ITGA9: variants seen among roughly 807,000 people sequenced by gnomAD.
ITGA9 encodes integrin alpha-9.
In ITGA9, 56 loss-of-function variants were observed where a neutral mutation model predicts 127.8. That is an observed-to-expected ratio of 0.44 (90% CI 0.35 to 0.55). The LOEUF is 0.55. Among genes scored for constraint, ITGA9 ranks in the 20% least tolerant of loss-of-function variants. The pLI is 0.00. For synonymous variants in ITGA9, 508 were observed against 514.5 expected, an observed-to-expected ratio of 0.99 and a Z score of 0.17; for missense variants, 1,196 against 1,347.1, an observed-to-expected ratio of 0.89 and a Z score of 1.76.
chr3:37,636,600 G>T (rs1466206653), intron 16 of ITGA9, among the ~76,000 whole-genome samples: 4 of 152,122 alleles, frequency 2.6e-5, no homozygotes, highest in Non-Finnish European at 5.9e-5. Flanking sequence ...CACTCTGATG[G>T]TAGTTTCTTT....
chr3:37,774,648 G>A (rs1488461360), intron 23 of ITGA9, among the ~76,000 whole-genome samples: 1 of 151,882 alleles, frequency 6.6e-6, no homozygotes, highest in Non-Finnish European at 1.5e-5. Context: ...GATCACCTGA[G>A]CCCAGGAGGT....
intron 15 of ITGA9, among the ~76,000 whole-genome samples, chr3:37,595,989 C>T (rs1699866518): frequency 6.6e-6 from 1 of 152,138 alleles, no homozygotes; most frequent in African/African-American, 2.4e-5. Flanking sequence ...TACTGAGCAC[C>T]CACTGGAGCC....
intron 17 of ITGA9, among the ~76,000 whole-genome samples, 160 bp from the exon 18 acceptor site, chr3:37,683,705 A>G (rs1425178054): frequency 6.6e-6 from 1 of 152,136 alleles, no homozygotes; most frequent in African/African-American, 2.4e-5. Flanking sequence ...GAGGCCCTAG[A>G]GCTAACTGAT....
rs372689551 is a variant in ITGA9, at chr3:37,759,744, A to G, written c.2541+9175A>G. Among the ~76,000 whole-genome samples the G allele has an allele frequency of 1.1e-4, 17 of 151,880 alleles. No homozygotes were observed. The South Asian group carries it at 3.5e-3, about 32-fold the overall frequency. ...TGGTGAAACCCTGTCTGTACTAAAA[A>G]TACACAAAAATTAGCCAGGTGTCGT... On this transcript the variant is annotated intron_variant, in intron 23 of 27. Coordinates refer to ENST00000264741, the MANE Select transcript of ITGA9 (RefSeq NM_002207.3).
intron 15 of ITGA9, among the ~76,000 whole-genome samples, chr3:37,561,776 G>A (rs1160194364): frequency 1.3e-5 from 2 of 152,166 alleles, no homozygotes; most frequent in Non-Finnish European, 2.9e-5. Flanking sequence ...TTATGACACT[G>A]TAACAATTAC....
chr3:37,468,748 A>G (rs1217228182), intron 1 of ITGA9, among the ~76,000 whole-genome samples: 5 of 152,180 alleles, frequency 3.3e-5, no homozygotes, highest in Admixed American at 2.6e-4. Flanking sequence ...TTCCACAAAT[A>G]CATAATATGT....
chr3:37,607,477 A>G (rs1445722652), intron 15 of ITGA9, among the ~76,000 whole-genome samples: 1 of 152,190 alleles, frequency 6.6e-6, no homozygotes, highest in Admixed American at 6.5e-5. Context: ...TGGGAATGGC[A>G]TGTAATTCTC....
chr3:37,704,523 G>A (rs1320286922), intron 18 of ITGA9, among the ~76,000 whole-genome samples: 4 of 152,182 alleles, frequency 2.6e-5, no homozygotes, highest in African/African-American at 9.7e-5. Flanking sequence ...AGCACTGAAC[G>A]ACTGGAAGTA....
At chr3:37,627,803 T>C (rs1700190609) in intron 15 of ITGA9, among the ~76,000 whole-genome samples, 2 of 152,070 alleles carry the variant, frequency 1.3e-5, no homozygotes, top group African/African-American at 2.4e-5. Flanking sequence ...AAAAAGAAGG[T>C]GTTCCTGACA....
chr3:37,471,633 G>A lies in ITGA9; in HGVS notation c.313+499G>A, dbSNP rs374754655. On this transcript the variant is annotated intron_variant, in intron 2 of 27. Coordinates refer to ENST00000264741, the MANE Select transcript of ITGA9 (RefSeq NM_002207.3). ...GCAAGGCAGGCTGGGGCCAGGCCAC[G>A]TGGGGCCTAGCAGGCCAGGGCAATG... Among the ~76,000 whole-genome samples, 11 of 152,336 alleles carry A rather than the reference G, an allele frequency of 7.2e-5. No individual in the cohort carries two copies. The South Asian group carries it at 1.9e-3, about 26-fold the overall frequency.
intron 20 of ITGA9, among the ~76,000 whole-genome samples, chr3:37,740,720 G>A (rs981182279): frequency 1.3e-5 from 2 of 152,178 alleles, no homozygotes; most frequent in African/African-American, 2.4e-5. Context: ...AGAAATGCCC[G>A]GCATAGTGCC....
At chr3:37,601,983 G>A (rs764703625) in intron 15 of ITGA9, among the ~76,000 whole-genome samples, 2 of 152,184 alleles carry the variant, frequency 1.3e-5, no homozygotes, top group Non-Finnish European at 1.5e-5. Context: ...CAAGCGGGGA[G>A]TGGAGGTGCC....
intron 18 of ITGA9, among the ~76,000 whole-genome samples, chr3:37,717,986 T>C (rs977125953): frequency 1.3e-5 from 2 of 152,214 alleles, no homozygotes; most frequent in Non-Finnish European, 2.9e-5. Context: ...TTTCAGCCCC[T>C]GGTGCAACAG....
chr3:37,638,625 A>G (rs537026460), intron 16 of ITGA9, among the ~76,000 whole-genome samples: 9 of 152,288 alleles, frequency 5.9e-5, no homozygotes, highest in Non-Finnish European at 1.0e-4. Flanking sequence ...GAATAAATTC[A>G]TCAGAACTCT....
At chr3:37,774,727 A>C (rs997578805) in intron 23 of ITGA9, among the ~76,000 whole-genome samples, 8 of 147,988 alleles carry the variant, frequency 5.4e-5, no homozygotes, top group Non-Finnish European at 7.6e-5. Flanking sequence ...CAAAAAAAAA[A>C]CAAAAAACAA....
At chr3:37,572,791 TGGCACA>T (rs1243970449) in intron 15 of ITGA9, among the ~76,000 whole-genome samples, 2 of 152,162 alleles carry the variant, frequency 1.3e-5, no homozygotes, top group East Asian at 3.9e-4. Flanking sequence ...GGGAGGAAAA[TGGCACA>T]GTTCTAAAAT....
intron 15 of ITGA9, among the ~76,000 whole-genome samples, chr3:37,628,908 T>A (rs1405159906): frequency 2.0e-5 from 3 of 152,172 alleles, no homozygotes; most frequent in African/African-American, 7.2e-5. Context: ...ATGAGTAAAG[T>A]AATGTCTTCC....
chr3:37,674,604 GT>G (rs1700664974), intron 17 of ITGA9, among the ~76,000 whole-genome samples: 2 of 152,286 alleles, frequency 1.3e-5, no homozygotes, highest in South Asian at 2.1e-4. Context: ...AGTTATACCA[GT>G]TTATGGCAGG....
chr3:37,633,377 C>A (rs1290838871), intron 16 of ITGA9, among the ~76,000 whole-genome samples: 1 of 152,128 alleles, frequency 6.6e-6, no homozygotes, highest in African/African-American at 2.4e-5. Flanking sequence ...GTATTTAATA[C>A]ACCTAACCTG....
Sources: allele counts gnomAD v4.1 joint callset (sites outside exome capture counted in the v4.1 genomes callset), GRCh38; gene constraint gnomAD v4.1.1; transcripts MANE v1.5; gene names NCBI Gene and HGNC (gene_info 2026-07-23, HGNC 2026-07-21).